Variants in GALNTL6 observed in about 807,000 individuals in gnomAD.
GALNTL6 encodes the protein polypeptide N-acetylgalactosaminyltransferase-like 6.
In GALNTL6, 46 loss-of-function variants were observed where a neutral mutation model predicts 73.7. The ratio of observed to expected loss-of-function variants is 0.62; its 90% confidence interval spans 0.49 to 0.80. The LOEUF (loss-of-function observed/expected upper bound fraction) is 0.80. GALNTL6 is among the 30% of genes least tolerant of loss of function. The pLI is 0.00. For synonymous variants in GALNTL6, 259 were observed against 263.7 expected (o/e 0.98, Z 0.17); for missense variants, 604 against 755.0 (o/e 0.80, Z 2.34).
At chr4:171,955,385 T>C (rs923260138) in intron 2 of GALNTL6, among the ~76,000 whole-genome samples, 1 of 45,874 alleles carries the variant, frequency 2.2e-5, no homozygotes, top group Non-Finnish European at 7.5e-5. Context: ...TATCTATCTA[T>C]ATATATATAT....
At chr4:171,982,470 T>C (rs1349747132) in intron 2 of GALNTL6, among the ~76,000 whole-genome samples, 1 of 152,048 alleles carries the variant, frequency 6.6e-6, no homozygotes, top group Non-Finnish European at 1.5e-5. Context: ...GCTGATTTTT[T>C]TGTATTTTCA....
chr4:171,827,523 T>G (rs1279519363), intron 2 of GALNTL6, among the ~76,000 whole-genome samples: 1 of 152,206 alleles, frequency 6.6e-6, no homozygotes, highest in Non-Finnish European at 1.5e-5. Flanking sequence ...ATTTCAGTTA[T>G]CAAATTTAGG....
intron 3 of GALNTL6, among the ~76,000 whole-genome samples, chr4:172,236,822 A>G (rs1013852140): frequency 3.9e-5 from 6 of 152,108 alleles, no homozygotes; most frequent in African/African-American, 1.2e-4. Flanking sequence ...CACCTAGATA[A>G]TAAGCATAGT....
chr4:173,024,665 T>C (rs1209653012), intron 12 of GALNTL6, among the ~76,000 whole-genome samples: 1 of 152,138 alleles, frequency 6.6e-6, no homozygotes, highest in Non-Finnish European at 1.5e-5. Context: ...CACTGCAACC[T>C]CCTTTCCCAG....
chr4:173,030,398 A>G (rs1052534496), intron 12 of GALNTL6, among the ~76,000 whole-genome samples: 1 of 152,058 alleles, frequency 6.6e-6, no homozygotes, highest in South Asian at 2.1e-4. Flanking sequence ...CAATATTCCT[A>G]CTGATTACCT....
At chr4:172,209,976 C>T (rs1021277588) in intron 2 of GALNTL6, among the ~76,000 whole-genome samples, 2 of 151,944 alleles carry the variant, frequency 1.3e-5, no homozygotes, top group African/African-American at 4.8e-5. Flanking sequence ...CCATCTTTCC[C>T]CTTTATTTAC....
chr4:172,356,061 G>A (rs1028877494), intron 5 of GALNTL6, among the ~76,000 whole-genome samples: 4 of 152,090 alleles, frequency 2.6e-5, no homozygotes, highest in African/African-American at 9.7e-5. Flanking sequence ...AATTCCACAT[G>A]GCTGAATTAA....
chr4:172,866,373 C>A (rs1744664119), intron 7 of GALNTL6, among the ~76,000 whole-genome samples: 1 of 152,140 alleles, frequency 6.6e-6, no homozygotes, highest in South Asian at 2.1e-4. Context: ...TCTCTTGATT[C>A]AAATCCACAC....
intron 8 of GALNTL6, among the ~76,000 whole-genome samples, chr4:172,912,912 C>G (rs559169885): frequency 9.2e-4 from 140 of 152,328 alleles, no homozygotes; most frequent in African/African-American, 3.2e-3. Context: ...GAACAGACTG[C>G]CTCCTCAAGT....
chr4:171,938,096 AT>A (rs1738409060), intron 2 of GALNTL6, among the ~76,000 whole-genome samples: 1 of 152,020 alleles, frequency 6.6e-6, no homozygotes, highest in African/African-American at 2.4e-5. Flanking sequence ...GAACAGTTGG[AT>A]TTTTTCTTTT....
chr4:172,637,774 A>G (rs1236627393), intron 5 of GALNTL6, among the ~76,000 whole-genome samples: 1 of 152,180 alleles, frequency 6.6e-6, no homozygotes, highest in Non-Finnish European at 1.5e-5. Flanking sequence ...CTCTGTCACT[A>G]ACAACACTTC....
At position 172,346,373 on chromosome 4, in the gene GALNTL6, A is replaced by T. The variant is rs531863001; in HGVS notation, c.387-2150A>T. 5.3e-5 allele frequency among the ~76,000 whole-genome samples: 8 copies of T among 152,304 alleles called. No individual in the cohort carries two copies. In the South Asian group the frequency reaches 1.7e-3, roughly 32 times the overall value. On this transcript the variant is annotated intron_variant, in intron 4 of 12. Coordinates refer to ENST00000506823, the MANE Select transcript of GALNTL6 (RefSeq NM_001034845.3). ...CAATATGTCCCTCACACAGGCTCCTATGTCATTCTGTATTTCATCTGATCA... is the reference window on the plus strand; with the variant it reads ...CAATATGTCCCTCACACAGGCTCCTTTGTCATTCTGTATTTCATCTGATCA...
At chr4:172,784,131 A>C (rs1018513259) in intron 5 of GALNTL6, among the ~76,000 whole-genome samples, 2 of 152,144 alleles carry the variant, frequency 1.3e-5, no homozygotes, top group African/African-American at 4.8e-5. Context: ...ACATAGATTA[A>C]TTTTAAGCTG....
chr4:172,519,246 TATTTATATATG>T (rs1734701742), intron 5 of GALNTL6, among the ~76,000 whole-genome samples: 1 of 150,600 alleles, frequency 6.6e-6, no homozygotes, highest in Non-Finnish European at 1.5e-5. Context: ...ATATTTAAGA[TATTTATATATG>T]ATATATTTAA....
chr4:172,534,927 C>T (rs1366152991), intron 5 of GALNTL6, among the ~76,000 whole-genome samples: 1 of 152,044 alleles, frequency 6.6e-6, no homozygotes, highest in Non-Finnish European at 1.5e-5. Flanking sequence ...CAGTCTAATA[C>T]TCACACTTAA....
chr4:172,715,397 G>A (rs975271280), intron 5 of GALNTL6, among the ~76,000 whole-genome samples: 4 of 152,282 alleles, frequency 2.6e-5, no homozygotes, highest in Admixed American at 2.6e-4. Flanking sequence ...AGATGAGAAA[G>A]GCCAGCATAA....
chr4:171,852,822 C>T (rs539735010), intron 2 of GALNTL6, among the ~76,000 whole-genome samples: 4 of 151,242 alleles, frequency 2.6e-5, no homozygotes, highest in East Asian at 3.9e-4. Flanking sequence ...AAGTCACTTC[C>T]GGGTAACTTG....
intron 5 of GALNTL6, among the ~76,000 whole-genome samples, chr4:172,584,279 G>A (rs561278089): frequency 1.3e-5 from 2 of 152,322 alleles, no homozygotes; most frequent in African/African-American, 4.8e-5. Context: ...AGGTGGAAAA[G>A]TGTATTCCTA....
At chr4:172,085,156 A>G (rs1272512251) in intron 2 of GALNTL6, among the ~76,000 whole-genome samples, 3 of 152,196 alleles carry the variant, frequency 2.0e-5, no homozygotes, top group Non-Finnish European at 4.4e-5. Flanking sequence ...TTAAGTACAA[A>G]TCATAGGAAT....
Sources: gnomAD v4.1 joint callset for allele counts (sites outside exome capture counted in the v4.1 genomes callset) on GRCh38, gnomAD v4.1.1 for gene constraint, MANE v1.5 for transcripts, NCBI Gene and HGNC (gene_info 2026-07-23, HGNC 2026-07-21) for gene names.